The following ACBD6 variants were observed in gnomAD, a reference collection of about 807,000 sequenced individuals.
ACBD6 encodes acyl-CoA binding domain containing 6, also known as acyl-CoA-binding domain-containing protein 6.
A neutral mutation model predicts 37.2 loss-of-function variants in ACBD6; 28 were observed. The observed-to-expected ratio is 0.75, with a 90% confidence interval of 0.56 to 1.03. ACBD6 has a LOEUF of 1.03. Among genes scored for constraint, ACBD6 ranks in the 50% least tolerant of loss-of-function variants. The pLI is 0.00. For synonymous variants in ACBD6, 113 were observed against 126.8 expected (o/e 0.89, Z 0.73); for missense variants, 340 against 337.4 (o/e 1.01, Z -0.06).
At chr1:180,368,404 G>A (rs1653129744) in intron 6 of ACBD6, among the ~76,000 whole-genome samples, 1 of 151,932 alleles carries the variant, frequency 6.6e-6, no homozygotes, top group Non-Finnish European at 1.5e-5. Context: ...GTCAATTTTT[G>A]CTTTTGTTGC....
At chr1:180,282,419 C>A (rs778534376) in intron 8 of ACBD6, among the ~76,000 whole-genome samples, 4 of 152,076 alleles carry the variant, frequency 2.6e-5, no homozygotes, top group Non-Finnish European at 5.9e-5. Context: ...GCAAGAGAGA[C>A]CATTAAAATG....
intron 6 of ACBD6, among the ~76,000 whole-genome samples, chr1:180,332,665 G>A (rs1487794759): frequency 6.6e-6 from 1 of 151,930 alleles, no homozygotes; most frequent in African/African-American, 2.4e-5. Flanking sequence ...GGCTTCCACT[G>A]ATTCTATATT....
At chr1:180,481,599 T>C (rs1651044714) in intron 3 of ACBD6, among the ~76,000 whole-genome samples, 1 of 152,212 alleles carries the variant, frequency 6.6e-6, no homozygotes, top group South Asian at 2.1e-4. Context: ...CCAGGTAGCT[T>C]TTTTCAGGAA....
rs113351602 is a variant in ACBD6, at chr1:180,273,823, A to T, written c.*1112+114T>A. On this transcript the variant is annotated intron_variant, in intron 11 of 13. Transcript: ENST00000642319. ...AGCTTTCAGGGTAAATGTTGTCAGC[A>T]TGTAGTTTCCATTTGTGATGTGGAG... The T allele has an allele frequency of 1.9e-3, 547 of 292,194 alleles. 2 individuals are homozygous for T. Among genetic ancestry groups the T allele is most frequent in the African/African-American group, 0.011 (509 of 45,940 alleles). 18.1% of individuals were successfully genotyped at this position (292,194 alleles called of 1,614,324 possible). A position where few individuals can be genotyped will look rare whatever the true frequency, so the allele number is the denominator to read the frequency against.
At chr1:180,341,451 T>C (rs1651984418) in intron 6 of ACBD6, among the ~76,000 whole-genome samples, 1 of 152,128 alleles carries the variant, frequency 6.6e-6, no homozygotes, top group South Asian at 2.1e-4. Flanking sequence ...AGGGATTATC[T>C]TGAGGATAAT....
At chr1:180,406,837 TC>T (rs1160694773) in intron 5 of ACBD6, among the ~76,000 whole-genome samples, 13 of 152,058 alleles carry the variant, frequency 8.5e-5, no homozygotes, top group African/African-American at 3.1e-4. Flanking sequence ...ATTTCAAATA[TC>T]AGATAAATAC....
At chr1:180,271,409 C>G in exon 14 of ACBD6, 1 of 1,614,136 alleles carries the variant, frequency 6.2e-7, no homozygotes, top group Non-Finnish European at 8.5e-7. Context: ...TAAGCGGCCC[C>G]GGACCACCAT....
chr1:180,330,860 T>G (rs1651455426), intron 6 of ACBD6, among the ~76,000 whole-genome samples: 1 of 152,224 alleles, frequency 6.6e-6, no homozygotes, highest in African/African-American at 2.4e-5. Context: ...ATGTGCTCTA[T>G]CCACACGGTG....
intron 7 of ACBD6, among the ~76,000 whole-genome samples, chr1:180,310,642 T>C (rs890099094): frequency 5.3e-5 from 8 of 152,328 alleles, no homozygotes; most frequent in Admixed American, 4.6e-4. Flanking sequence ...TCATGTTTCA[T>C]TATACAGATG....
intron 3 of ACBD6, among the ~76,000 whole-genome samples, chr1:180,451,205 C>A (rs1373150963): frequency 6.6e-6 from 1 of 152,138 alleles, no homozygotes; most frequent in African/African-American, 2.4e-5. Context: ...CAACAAGATA[C>A]CATTTCAGAC....
intron 6 of ACBD6, among the ~76,000 whole-genome samples, chr1:180,395,549 C>T (rs533231575): frequency 3.3e-5 from 5 of 152,080 alleles, no homozygotes; most frequent in African/African-American, 9.6e-5. Context: ...TTCTATTCAA[C>T]CTAGTACTGA....
Position 180,391,313 on chromosome 1 carries a change from TA to T in ACBD6, c.663+6202del, listed in dbSNP as rs571519465. Among the ~76,000 whole-genome samples the T allele has an allele frequency of 4.1e-3, 622 of 152,154 alleles. 3 individuals are homozygous for T. The highest frequency in any genetic ancestry group is 6.5e-3 in the Non-Finnish European group (444 of 67,940). On this transcript the variant is annotated intron_variant, in intron 6 of 7. Transcript: ENST00000367595. ...ACAACAACAAAAATAAATAAGATCATAAAAATTTAAAACTTTTATGTTTTAA... is the reference window on the plus strand; with the variant it reads ...ACAACAACAAAAATAAATAAGATCATAAAATTTAAAACTTTTATGTTTTAA...
At chr1:180,307,886 C>T (rs746791747) in intron 7 of ACBD6, among the ~76,000 whole-genome samples, 40 of 152,112 alleles carry the variant, frequency 2.6e-4, no homozygotes, top group Non-Finnish European at 5.1e-4. Flanking sequence ...ACCTGGGAGG[C>T]GGAGGGTGCA....
Position 180,409,305 on chromosome 1 carries a change from TAAA to T in ACBD6, c.573+4058_573+4060del, listed in dbSNP as rs1422654910. ...AAATTTTAACTCACAAGCACAAAGATAAAAAACTACAATTTAAAAAATCAAGGG... is the reference window on the plus strand; with the variant it reads ...AAATTTTAACTCACAAGCACAAAGATAAACTACAATTTAAAAAATCAAGGG... On this transcript the variant is annotated intron_variant, in intron 5 of 7. Transcript: ENST00000367595. Among the ~76,000 whole-genome samples, 4 of 152,250 alleles carry T rather than the reference TAAA, an allele frequency of 2.6e-5. No homozygotes were observed. In the South Asian group the frequency reaches 8.3e-4, roughly 32 times the overall value.
Position 180,328,491 on chromosome 1 carries a change from T to C in ACBD6, c.664-13769A>G, listed in dbSNP as rs539273103. On this transcript the variant is annotated intron_variant, in intron 6 of 7. Transcript: ENST00000367595. ...ACTTGATCTACCATCTCTACTAATG[T>C]CAGCTCTAAAGATACAAGAGTAATA... is the stretch of plus-strand genomic sequence containing the variant. Among the ~76,000 whole-genome samples, 6 of 152,088 alleles carry C rather than the reference T, an allele frequency of 3.9e-5. No individual in the cohort carries two copies. The East Asian group carries it at 1.2e-3, about 29-fold the overall frequency.
intron 5 of ACBD6, among the ~76,000 whole-genome samples, chr1:180,404,271 G>A (rs1647509914): frequency 6.6e-6 from 1 of 151,856 alleles, no homozygotes; most frequent in Non-Finnish European, 1.5e-5. Context: ...TTCAATTGGG[G>A]AAGATAAAAA....
At chr1:180,347,679 AAG>A (rs1308701825) in intron 6 of ACBD6, among the ~76,000 whole-genome samples, 1 of 152,170 alleles carries the variant, frequency 6.6e-6, no homozygotes, top group Non-Finnish European at 1.5e-5. Context: ...GACACATATA[AAG>A]AGGTTCTAGG....
chr1:180,469,415 G>C (rs183369584), intron 3 of ACBD6, among the ~76,000 whole-genome samples: 56 of 152,240 alleles, frequency 3.7e-4, no homozygotes, highest in Admixed American at 1.4e-3. Flanking sequence ...AAATTCCACT[G>C]CCTCTAGAAG....
intron 3 of ACBD6, among the ~76,000 whole-genome samples, chr1:180,476,547 C>T (rs375194311): frequency 8.6e-4 from 131 of 152,190 alleles, no homozygotes; most frequent in African/African-American, 3.0e-3. Flanking sequence ...AAAACTCAGC[C>T]GGGCACAGTG....
Sources: allele counts gnomAD v4.1 joint callset (sites outside exome capture counted in the v4.1 genomes callset), GRCh38; gene constraint gnomAD v4.1.1; transcripts MANE v1.5; gene names NCBI Gene and HGNC (gene_info 2026-07-23, HGNC 2026-07-21).